The following ZNF618 variants were observed in gnomAD, a reference collection of about 807,000 sequenced individuals.
The protein encoded by ZNF618 is neural precursor cell expressed, developmentally down-regulated 10.
In ZNF618, 34 loss-of-function variants were observed where a neutral mutation model predicts 103.0. The observed-to-expected ratio is 0.33, with a 90% CI of 0.25 to 0.44. The LOEUF (loss-of-function observed/expected upper bound fraction) is 0.44. ZNF618 is among the 20% of genes least tolerant of loss of function. ZNF618 has a pLI of 1.00. For missense variants in ZNF618, 1,059 were observed against 1,295.4 expected (o/e 0.82, Z 2.80); for synonymous variants, 551 against 542.2 (o/e 1.02, Z -0.23).
At chr9:113,979,264 C>T (rs116078927) in intron 2 of ZNF618, among the ~76,000 whole-genome samples, 2,645 of 152,212 alleles carry the variant, frequency 0.017, 86 homozygotes, top group African/African-American at 0.061. Flanking sequence ...GCCACCCTGT[C>T]GCCTTAGGGC....
At chr9:113,989,901 G>T (rs924713878) in intron 3 of ZNF618, among the ~76,000 whole-genome samples, 30 of 152,228 alleles carry the variant, frequency 2.0e-4, no homozygotes, top group Non-Finnish European at 3.2e-4. Context: ...TGGCTGCCAG[G>T]AGGCCTTGGC....
chr9:114,051,339 C>A lies in ZNF618; in HGVS notation c.*1172C>A, dbSNP rs548142139. On this transcript the variant is annotated 3_prime_UTR_variant, in exon 15 of 15. Coordinates refer to ENST00000374126, the MANE Select transcript of ZNF618 (RefSeq NM_001318042.2). ...TTGGCTGTGCTATTTGGAGACCAGG[C>A]GTTGGGGAGGATTCACGGGTTCCAC... 2 of 152,600 alleles carry A rather than the reference C, an allele frequency of 1.3e-5. No homozygotes were observed. The highest frequency in any genetic ancestry group is 4.8e-5 in the African/African-American group (2 of 41,404). 9.5% of individuals were successfully genotyped at this position (152,600 alleles called of 1,614,324 possible).
intron 1 of ZNF618, among the ~76,000 whole-genome samples, chr9:113,886,256 T>C (rs1482410863): frequency 6.6e-6 from 1 of 152,222 alleles, no homozygotes; most frequent in Non-Finnish European, 1.5e-5. Context: ...TAGCCATTCT[T>C]ACCTCTCAGC....
intron 1 of ZNF618, among the ~76,000 whole-genome samples, chr9:113,965,012 T>A (rs76355787): frequency 8.2e-5 from 11 of 134,786 alleles, no homozygotes; most frequent in African/African-American, 1.5e-4. Flanking sequence ...AAAAAAAAAA[T>A]GTAATCATAT....
At chr9:114,023,257 C>G (rs548854296) in intron 10 of ZNF618, among the ~76,000 whole-genome samples, 2 of 151,842 alleles carry the variant, frequency 1.3e-5, no homozygotes, top group Admixed American at 1.3e-4. Context: ...TTAAAAATGC[C>G]TCTTAGCTTT....
At chr9:113,940,133 A>T (rs566448764) in intron 1 of ZNF618, among the ~76,000 whole-genome samples, 108 of 148,640 alleles carry the variant, frequency 7.3e-4, no homozygotes, top group Admixed American at 1.5e-3. Flanking sequence ...AAAAAAAAAA[A>T]TACTCCTCCA....
chr9:114,015,478 C>G (rs1842576436), intron 9 of ZNF618, among the ~76,000 whole-genome samples: 1 of 152,152 alleles, frequency 6.6e-6, no homozygotes, highest in Non-Finnish European at 1.5e-5. Context: ...GATGATAATA[C>G]TTAATGCTGG....
chr9:113,955,802 C>T (rs554784313), intron 1 of ZNF618, among the ~76,000 whole-genome samples: 2 of 152,214 alleles, frequency 1.3e-5, no homozygotes, highest in East Asian at 3.9e-4. Flanking sequence ...CTCTGGTCTT[C>T]TTTCTTCTTT....
At chr9:113,941,306 A>T (rs540333991) in intron 1 of ZNF618, among the ~76,000 whole-genome samples, 2 of 152,222 alleles carry the variant, frequency 1.3e-5, no homozygotes, top group South Asian at 2.1e-4. Context: ...TTTCCAACTT[A>T]AAACTTCTTT....
chr9:114,048,569 T>C, intron 14 of ZNF618, 82 bp from the exon 15 acceptor site: 1 of 1,400,676 alleles, frequency 7.1e-7, no homozygotes, highest in African/African-American at 1.4e-5. Context: ...CAATACTAGA[T>C]GTTTAGAGTG....
Position 114,048,760 on chromosome 9 carries a change from G to C in ZNF618, c.1458G>C (p.Val486=), listed in dbSNP as rs1326728249. The C allele has an allele frequency of 1.2e-6, 2 of 1,614,036 alleles. No homozygotes were observed. Among genetic ancestry groups the C allele is most frequent in the Admixed American group, 3.3e-5 (2 of 60,030 alleles). ...GTGCCGACCTGGGTGCACTGAGCGT[G>C]GTCAGCGGGAAGGAGTTCCTGAAGT... ...VMCADLGALS[V]VSGKEFLKLA... is the part of the protein sequence containing the mutation. Residue 486 remains valine (V), a synonymous_variant, in exon 15 of 15, where the codon GTG becomes GTC. Transcript: ENST00000374126.
chr9:113,940,546 C>G lies in ZNF618; in HGVS notation c.34-28571C>G, dbSNP rs1400863845. 6.2e-5 allele frequency among the ~76,000 whole-genome samples: 9 copies of G among 144,454 alleles called. 1 individual carries two copies. The East Asian group carries it at 1.8e-3, about 29-fold the overall frequency. 94.8% of individuals were successfully genotyped at this position (144,454 alleles called of 152,430 possible). On this transcript the variant is annotated intron_variant, in intron 1 of 14. Transcript: ENST00000374126. ...TACGTAAAAGTTCATGACTATATATCTTTTTGTTTAATTTTATGTCAGTTA... is the reference window on the plus strand; with the variant it reads ...TACGTAAAAGTTCATGACTATATATGTTTTTGTTTAATTTTATGTCAGTTA...
At chr9:113,991,331 A>T (rs1056230815) in intron 3 of ZNF618, among the ~76,000 whole-genome samples, 5 of 152,246 alleles carry the variant, frequency 3.3e-5, no homozygotes, top group Admixed American at 3.3e-4. Context: ...CCAAGGCGGC[A>T]GTGGAAGGAA....
intron 11 of ZNF618, among the ~76,000 whole-genome samples, chr9:114,031,726 T>A (rs2134235997): frequency 6.6e-6 from 1 of 152,306 alleles, no homozygotes; most frequent in East Asian, 1.9e-4. Flanking sequence ...GCGGAGCCTT[T>A]GATATCTTTG....
intron 10 of ZNF618, among the ~76,000 whole-genome samples, chr9:114,019,388 A>G (rs1174230258): frequency 6.6e-6 from 1 of 152,200 alleles, no homozygotes; most frequent in Non-Finnish European, 1.5e-5. Context: ...CATGGGGAAT[A>G]GTATGTTTAA....
chr9:114,044,934 C>A (rs1381895904), intron 13 of ZNF618, among the ~76,000 whole-genome samples: 2 of 151,960 alleles, frequency 1.3e-5, no homozygotes, highest in African/African-American at 4.8e-5. Flanking sequence ...GATTTTGTAT[C>A]CTGAAACTTT....
rs113819665 is a variant in ZNF618, at chr9:114,050,442, G to GCACACACACA, written c.*299_*308dup. 105 of 210,434 alleles carry GCACACACACA rather than the reference G, an allele frequency of 5.0e-4. 1 individual carries two copies. The highest frequency in any genetic ancestry group is 1.2e-3 in the African/African-American group (51 of 40,892). 13.0% of individuals were successfully genotyped at this position (210,434 alleles called of 1,614,324 possible). The stretch of plus-strand genomic sequence containing the variant: ...ATGGCCAGAGAAACTTTGCACACAC[G>GCACACACACA]CACACACACACACACACACACACAC... On this transcript the variant is annotated 3_prime_UTR_variant, in exon 15 of 15. Coordinates refer to ENST00000374126, the MANE Select transcript of ZNF618 (RefSeq NM_001318042.2).
chr9:113,942,511 G>C (rs1043958431), intron 1 of ZNF618, among the ~76,000 whole-genome samples: 1 of 152,138 alleles, frequency 6.6e-6, no homozygotes, highest in Admixed American at 6.5e-5. Flanking sequence ...TCTATATCTG[G>C]CATGCCCTCC....
intron 1 of ZNF618, among the ~76,000 whole-genome samples, chr9:113,892,347 G>C (rs1186016348): frequency 6.6e-6 from 1 of 152,088 alleles, no homozygotes; most frequent in Non-Finnish European, 1.5e-5. Context: ...TGTGAGTTCT[G>C]TATATTTAGG....
Sources: allele counts gnomAD v4.1 joint callset (sites outside exome capture counted in the v4.1 genomes callset), GRCh38; gene constraint gnomAD v4.1.1; transcripts MANE v1.5; gene names NCBI Gene and HGNC (gene_info 2026-07-23, HGNC 2026-07-21).